VAT1L: variants seen among roughly 807,000 people sequenced by gnomAD.
VAT1L encodes the protein putative NADPH-dependent quinone oxidoreductase VAT1L.
In VAT1L, 34 loss-of-function variants were observed where a neutral mutation model predicts 44.1. That is an observed-to-expected ratio of 0.77 (90% CI 0.59 to 1.03). The LOEUF is 1.03. Among genes scored for constraint, VAT1L ranks in the 50% least tolerant of loss-of-function variants. The probability of loss-of-function intolerance (pLI) is 0.00; values close to 1 mark genes in which losing one functional copy is unlikely to be tolerated. For missense variants in VAT1L, 615 were observed against 538.8 expected, an observed-to-expected ratio of 1.14 and a Z score of -1.40; for synonymous variants, 253 against 202.2, an observed-to-expected ratio of 1.25 and a Z score of -2.13.
chr16:77,803,640 C>T (rs1334485075), intron 1 of VAT1L, among the ~76,000 whole-genome samples: 1 of 151,948 alleles, frequency 6.6e-6, no homozygotes, highest in African/African-American at 2.4e-5. Flanking sequence ...AGGATGGTCT[C>T]GATTTCCTGA....
chr16:77,821,076 C>T (rs940472558), intron 2 of VAT1L, among the ~76,000 whole-genome samples: 11 of 152,098 alleles, frequency 7.2e-5, no homozygotes, highest in African/African-American at 1.7e-4. Flanking sequence ...AGTTAGACAA[C>T]GTTCAGTTAC....
At chr16:77,976,440 G>A (rs566390475) in intron 8 of VAT1L, among the ~76,000 whole-genome samples, 1 of 152,294 alleles carries the variant, frequency 6.6e-6, no homozygotes, top group Non-Finnish European at 1.5e-5. Context: ...AGAAGGCACT[G>A]CACATGGTGT....
intron 1 of VAT1L, among the ~76,000 whole-genome samples, chr16:77,810,089 T>C (rs1238830522): frequency 6.6e-6 from 1 of 152,202 alleles, no homozygotes; most frequent in East Asian, 1.9e-4. Flanking sequence ...AGGATAACTA[T>C]AATCCTCTGG....
chr16:77,808,705 C>T (rs1351407949), intron 1 of VAT1L, among the ~76,000 whole-genome samples: 1 of 152,118 alleles, frequency 6.6e-6, no homozygotes, highest in Non-Finnish European at 1.5e-5. Context: ...AAGCAATTCT[C>T]CTGCCTCAGC....
intron 1 of VAT1L, among the ~76,000 whole-genome samples, chr16:77,807,502 T>C (rs534652910): frequency 1.3e-5 from 2 of 152,272 alleles, no homozygotes; most frequent in South Asian, 2.1e-4. Context: ...GAGACCTCTT[T>C]ACTGGTATAT....
In VAT1L at chr16:77,880,249, T is replaced by C. The variant is rs543954386; in HGVS notation, c.882+1025T>C. Among the ~76,000 whole-genome samples, 49 of 152,164 alleles carry C rather than the reference T, an allele frequency of 3.2e-4. 1 individual carries two copies. The South Asian group carries it at 9.1e-3, about 28-fold the overall frequency. On this transcript the variant is annotated intron_variant, in intron 6 of 8. Transcript: ENST00000302536. ...TCGGCTCACTGCAACCTCCACCTCC[T>C]GGGCTGTAGCAACCCTCCTGCTTCA...
At chr16:77,822,976 C>G (rs1396783156) in intron 2 of VAT1L, among the ~76,000 whole-genome samples, 1 of 152,102 alleles carries the variant, frequency 6.6e-6, no homozygotes, top group Non-Finnish European at 1.5e-5. Flanking sequence ...CTCCAACTGT[C>G]TCATTCACCT....
chr16:77,844,034 C>G (rs1291878227), intron 3 of VAT1L, among the ~76,000 whole-genome samples: 1 of 152,222 alleles, frequency 6.6e-6, no homozygotes, highest in African/African-American at 2.4e-5. Context: ...AAAATAGTCA[C>G]TGTCCTCAAG....
At chr16:77,813,628 C>T (rs1228032735) in intron 1 of VAT1L, among the ~76,000 whole-genome samples, 1 of 152,174 alleles carries the variant, frequency 6.6e-6, no homozygotes, top group African/African-American at 2.4e-5. Flanking sequence ...TTTAATTCTT[C>T]CAGCTATTGG....
At chr16:77,813,920 G>T (rs1158163090) in intron 1 of VAT1L, among the ~76,000 whole-genome samples, 1 of 152,210 alleles carries the variant, frequency 6.6e-6, no homozygotes, top group African/African-American at 2.4e-5. Context: ...CATGGCTCTT[G>T]TATGGGCAAG....
rs61737715 is a variant in VAT1L at position 77,788,825 on chromosome 16, C to T, written c.143C>T (p.Ala48Val). ...DAQEMRAVVL[A>V]GFGGLNKLRL... ...CAGGAGATGCGCGCGGTGGTGCTGGCTGGCTTCGGGGGGCTCAACAAGCTG... is the reference window on the plus strand; with the variant it reads ...CAGGAGATGCGCGCGGTGGTGCTGGTTGGCTTCGGGGGGCTCAACAAGCTG... The change falls in exon 1 of 9, where the codon GCT becomes GTT. Residue 48 changes from alanine (A) to valine (V), a missense_variant. Ala to Val is a moderately conservative substitution (Grantham distance 64). Transcript: ENST00000302536. 1,342 of 1,579,096 alleles carry T rather than the reference C, an allele frequency of 8.5e-4. 15 individuals are homozygous for T. The African/African-American group carries it at 0.015, about 18-fold the overall frequency.
chr16:77,826,800 G>C (rs566774205), intron 3 of VAT1L, among the ~76,000 whole-genome samples: 71 of 152,282 alleles, frequency 4.7e-4, no homozygotes, highest in African/African-American at 1.6e-3. Flanking sequence ...TGTGGATATA[G>C]AGATTAATCC....
intron 1 of VAT1L, among the ~76,000 whole-genome samples, chr16:77,808,183 C>T (rs1275664576): frequency 6.6e-6 from 1 of 152,108 alleles, no homozygotes; most frequent in Non-Finnish European, 1.5e-5. Flanking sequence ...CCTGTCAGAT[C>T]AGCGGCAGCA....
intron 3 of VAT1L, among the ~76,000 whole-genome samples, chr16:77,832,460 A>G (rs532368121): frequency 1.6e-4 from 25 of 152,302 alleles, no homozygotes; most frequent in African/African-American, 5.3e-4. Context: ...TCTGGTCCCA[A>G]TTGCAAGTCA....
At chr16:77,954,522 G>A (rs1028726722) in intron 7 of VAT1L, among the ~76,000 whole-genome samples, 1 of 152,160 alleles carries the variant, frequency 6.6e-6, no homozygotes, top group Non-Finnish European at 1.5e-5. Context: ...CTACTCAAGA[G>A]GCTGAGGCAG....
chr16:77,968,318 G>T (rs925176473), intron 7 of VAT1L, among the ~76,000 whole-genome samples: 34 of 152,304 alleles, frequency 2.2e-4, no homozygotes, highest in African/African-American at 8.2e-4. Context: ...GCAAAAACAA[G>T]TTCAAGAAAG....
chr16:77,976,782 T>C (rs1176189941), intron 8 of VAT1L, among the ~76,000 whole-genome samples: 2 of 152,210 alleles, frequency 1.3e-5, no homozygotes, highest in Non-Finnish European at 2.9e-5. Flanking sequence ...ACTGTAATGA[T>C]GGCGGAAATG....
chr16:77,855,497 T>A (rs550124828), intron 3 of VAT1L, among the ~76,000 whole-genome samples: 60 of 152,274 alleles, frequency 3.9e-4, no homozygotes, highest in Non-Finnish European at 6.9e-4. Flanking sequence ...TGCATGCCCT[T>A]CATTGTCTGC....
At chr16:77,840,093 T>C (rs1302267488) in intron 3 of VAT1L, among the ~76,000 whole-genome samples, 1 of 152,164 alleles carries the variant, frequency 6.6e-6, no homozygotes, top group African/African-American at 2.4e-5. Context: ...CTGTGAAGTT[T>C]AATGAGATAA....
Sources: gnomAD v4.1 joint callset for allele counts (sites outside exome capture counted in the v4.1 genomes callset) on GRCh38, gnomAD v4.1.1 for gene constraint, MANE v1.5 for transcripts, NCBI Gene and HGNC (gene_info 2026-07-23, HGNC 2026-07-21) for gene names.